Variants in VSTM1 observed in about 807,000 individuals in gnomAD.
The protein encoded by VSTM1 is V-set and transmembrane domain-containing protein 1.
Under a neutral mutation model 33.1 loss-of-function variants are expected in VSTM1, and 27 were observed. The ratio of observed to expected loss-of-function variants is 0.82; its 90% confidence interval spans 0.60 to 1.12. The LOEUF (loss-of-function observed/expected upper bound fraction) is 1.12. VSTM1 is among the 50% of genes most tolerant of loss of function. VSTM1 has a pLI of 0.00. For synonymous variants in VSTM1, 115 were observed against 110.3 expected, an observed-to-expected ratio of 1.04 and a Z score of -0.27; for missense variants, 304 against 288.9, an observed-to-expected ratio of 1.05 and a Z score of -0.38.
intron 1 of VSTM1, 67 bp downstream of exon 1, chr19:54,063,677 G>A: frequency 6.3e-7 from 1 of 1,587,270 alleles, no homozygotes; most frequent in Non-Finnish European, 8.6e-7. Context: ...TTTCCACCTG[G>A]ACTGCCACTC....
At chr19:54,056,214 CTTTTTTTTTTTTTT>C (rs869203085) in intron 3 of VSTM1, among the ~76,000 whole-genome samples, 2 of 39,182 alleles carry the variant, frequency 5.1e-5, no homozygotes, top group African/African-American at 1.9e-4. Context: ...CTTTTCTTTT[CTTTTTTTTTTTTTT>C]TTTTTTTTTT....
chr19:54,057,204 T>C (rs1324177114), intron 3 of VSTM1, among the ~76,000 whole-genome samples: 1 of 139,314 alleles, frequency 7.2e-6, no homozygotes, highest in East Asian at 2.1e-4. Flanking sequence ...TCCCCAGCCA[T>C]GTCCCACGAC....
Position 54,058,718 on chromosome 19 carries a change from A to C in VSTM1, c.49T>G (p.Tyr17Asp), listed in dbSNP as rs1328668801. 11 of 1,613,824 alleles carry C rather than the reference A, an allele frequency of 6.8e-6. No homozygotes were observed. Among genetic ancestry groups the C allele is most frequent in the Non-Finnish European group, 9.3e-6 (11 of 1,180,016 alleles). Residue 17 changes from tyrosine to aspartate, a missense_variant, in exon 2 of 9, where the codon TAC becomes GAC. Physicochemically the swap from Tyr to Asp is radical, Grantham distance 160. Transcript: ENST00000338372. ...TCACCATTCTTTTTCTCATCTTCGT[A>C]GCCCAGACACAGCCCTGGAAGAGAA... Reference protein sequence around the residue: ...SLLCLGLCLGYEDEKKNEKPP... With the variant: ...SLLCLGLCLGDEDEKKNEKPP...
rs1051799329 is a variant in VSTM1 at position 54,041,787 on chromosome 19, A to T, written c.583T>A (p.Ser195Thr). The T allele has an allele frequency of 3.3e-5, 53 of 1,613,514 alleles. No homozygotes were observed. The East Asian group carries it at 1.2e-3, about 35-fold the overall frequency. ...EADLSNMERV[S>T]LSTADPQGVT... ...TAAGCGGGAGGACTCACCGAGAGAG[A>T]TACCCTTTCCATATTGGATAAATCT... is the stretch of plus-strand genomic sequence containing the variant. Residue 195 changes from serine to threonine, a missense_variant, in exon 8 of 9, where the codon TCT (serine) becomes ACT (threonine). Transcript: ENST00000338372.
rs74177847 is a variant in VSTM1 at position 54,054,848 on chromosome 19, AATGG to A, written c.356-3404_356-3401del. The stretch of plus-strand genomic sequence containing the variant: ...GGTTGGATGGATTAATGGATAGATG[AATGG>A]ATGGATGGATGGATGGATGGATGGA... On this transcript the variant is annotated intron_variant, in intron 3 of 8. Transcript: ENST00000338372. Among the ~76,000 whole-genome samples, 87 of 125,404 alleles carry A rather than the reference AATGG, an allele frequency of 6.9e-4. 7 individuals are homozygous for A. The highest frequency in any genetic ancestry group is 2.0e-3 in the African/African-American group (68 of 34,070). 82.3% of individuals were successfully genotyped at this position (125,404 alleles called of 152,430 possible). A position where few individuals can be genotyped will look rare whatever the true frequency, so the allele number is the denominator to read the frequency against.
At chr19:54,044,334 G>A (rs1008365335) in intron 4 of VSTM1, among the ~76,000 whole-genome samples, 5 of 152,128 alleles carry the variant, frequency 3.3e-5, no homozygotes, top group Admixed American at 1.3e-4. Context: ...TGAAGTAGGT[G>A]GATCACTTGA....
intron 3 of VSTM1, among the ~76,000 whole-genome samples, chr19:54,057,842 C>T (rs572363614): frequency 4.1e-4 from 62 of 150,046 alleles, no homozygotes; most frequent in South Asian, 2.7e-3. Flanking sequence ...TGGAGGTTCA[C>T]GTTTATAATC....
At chr19:54,063,639 C>T (rs2071506073) in intron 1 of VSTM1, 105 bp downstream of exon 1, 1 of 1,413,940 alleles carries the variant, frequency 7.1e-7, no homozygotes, top group Non-Finnish European at 9.9e-7. Flanking sequence ...TGTGCAACAC[C>T]TGGAAGTCAT....
At chr19:54,048,411 C>G in intron 4 of VSTM1, 1 of 337,850 alleles carries the variant, frequency 3.0e-6, no homozygotes, top group Non-Finnish European at 6.2e-6. Context: ...CCACTGCGCC[C>G]GGCAAAGATA....
At position 54,050,241 on chromosome 19, in the gene VSTM1, C is replaced by T. The variant is rs372993817; in HGVS notation, c.394+1169G>A. ...TTCGAACTCCTGACCTCAGGTGATC[C>T]GCCCACCTCGGCCTCCCAAAGTGCT... On this transcript the variant is annotated intron_variant, in intron 4 of 8. Coordinates refer to ENST00000338372, the MANE Select transcript of VSTM1 (RefSeq NM_198481.4). Among the ~76,000 whole-genome samples, 8 of 151,908 alleles carry T rather than the reference C, an allele frequency of 5.3e-5. No homozygotes were observed. In the East Asian group the frequency reaches 1.4e-3, roughly 26 times the overall value.
At chr19:54,047,628 T>C (rs771898517) in intron 4 of VSTM1, among the ~76,000 whole-genome samples, 5 of 152,166 alleles carry the variant, frequency 3.3e-5, no homozygotes, top group Non-Finnish European at 7.4e-5. Context: ...CAAGGACTTA[T>C]GAAAACAGGG....
intron 1 of VSTM1, among the ~76,000 whole-genome samples, chr19:54,061,016 C>CTT (rs10693760): frequency 0.3 from 34,695 of 114,816 alleles, 6,229 homozygotes; most frequent in Non-Finnish European, 0.37. Context: ...TTTTTCTTTT[C>CTT]TTTTTTTTTT....
intron 3 of VSTM1, among the ~76,000 whole-genome samples, chr19:54,056,450 A>C (rs1372052908): frequency 7.2e-6 from 1 of 138,088 alleles, no homozygotes; most frequent in African/African-American, 2.7e-5. Flanking sequence ...CAAACTCCTG[A>C]CCTCAGGTGA....
In VSTM1 at chr19:54,052,248, G is replaced by A. The variant is rs929654611; in HGVS notation, c.356-800C>T. 5.8e-4 allele frequency among the ~76,000 whole-genome samples: 87 copies of A among 150,172 alleles called. 2 individuals are homozygous for A. Among genetic ancestry groups the A allele is most frequent in the African/African-American group, 2.0e-3 (80 of 40,956 alleles). On this transcript the variant is annotated intron_variant, in intron 3 of 8. Coordinates refer to ENST00000338372, the MANE Select transcript of VSTM1 (RefSeq NM_198481.4). ...CCCGTCTCTACTAAAAATACAAAAA[G>A]TTAGCCGAGCGTGGTGGCGGGCCCC...
chr19:54,063,869 C>G lies in VSTM1; in HGVS notation c.-92G>C, dbSNP rs1298176062. The G allele has an allele frequency of 4.2e-6, 6 of 1,426,654 alleles. No homozygotes were observed. Among genetic ancestry groups the G allele is most frequent in the Middle Eastern group, 1.8e-4 (1 of 5,590 alleles). 88.4% of individuals were successfully genotyped at this position (1,426,654 alleles called of 1,614,324 possible). ...GGCCGGCCGCAGCTCTCCGGCTGCCCGGTTCGTCCCCAGGATGTGCAGATA... is the reference window on the plus strand; with the variant it reads ...GGCCGGCCGCAGCTCTCCGGCTGCCGGGTTCGTCCCCAGGATGTGCAGATA... On this transcript the variant is annotated 5_prime_UTR_variant, in exon 1 of 9. Coordinates refer to ENST00000338372, the MANE Select transcript of VSTM1 (RefSeq NM_198481.4).
intron 4 of VSTM1, chr19:54,048,395 C>G: frequency 2.7e-6 from 1 of 373,452 alleles, no homozygotes; most frequent in South Asian, 1.9e-5. Context: ...GTATTACAGA[C>G]GTGAGCCACT....
rs192302571 is a variant in VSTM1 at position 54,056,805 on chromosome 19, T to C, written c.355+1501A>G. On this transcript the variant is annotated intron_variant, in intron 3 of 8. Transcript: ENST00000338372. ...TCAGAATCTCTGATGAGAATCTTGC[T>C]CCACATTCGGTTCCCATTTCCACAT... is the stretch of plus-strand genomic sequence containing the variant. Among the ~76,000 whole-genome samples, 10 of 141,224 alleles carry C rather than the reference T, an allele frequency of 7.1e-5. 1 individual carries two copies. In the East Asian group the frequency reaches 2.0e-3, roughly 28 times the overall value. 92.6% of individuals were successfully genotyped at this position (141,224 alleles called of 152,430 possible). A position where few individuals can be genotyped will look rare whatever the true frequency, so the allele number is the denominator to read the frequency against.
chr19:54,041,548 G>T (rs1300432057), intron 8 of VSTM1, among the ~76,000 whole-genome samples: 1 of 152,000 alleles, frequency 6.6e-6, no homozygotes, highest in Non-Finnish European at 1.5e-5. Context: ...TGATCCGCCC[G>T]CCTCGGCCTC....
chr19:54,061,985 G>T (rs2071415875), intron 1 of VSTM1, among the ~76,000 whole-genome samples: 1 of 151,492 alleles, frequency 6.6e-6, no homozygotes, highest in Non-Finnish European at 1.5e-5. Flanking sequence ...GTGAAACCCT[G>T]TCTCTACTAA....
Sources: gnomAD v4.1 joint callset for allele counts (sites outside exome capture counted in the v4.1 genomes callset) on GRCh38, gnomAD v4.1.1 for gene constraint, MANE v1.5 for transcripts, NCBI Gene and HGNC (gene_info 2026-07-23, HGNC 2026-07-21) for gene names.